The following PAX7 variants were observed in gnomAD, a reference collection of about 807,000 sequenced individuals.
The protein encoded by PAX7 is paired box 7, also known as paired box protein Pax-7.
Under a neutral mutation model 50.7 loss-of-function variants are expected in PAX7, and 18 were observed. The ratio of observed to expected loss-of-function variants is 0.36; its 90% confidence interval spans 0.25 to 0.53. The LOEUF (loss-of-function observed/expected upper bound fraction) is 0.53. Among genes scored for constraint, PAX7 ranks in the 20% least tolerant of loss-of-function variants. PAX7 has a pLI of 0.93. For synonymous variants in PAX7, 310 were observed against 290.4 expected (o/e 1.07, Z -0.69); for missense variants, 644 against 702.9 (o/e 0.92, Z 0.95).
intron 4 of PAX7, among the ~76,000 whole-genome samples, chr1:18,670,676 G>C (rs936550157): frequency 1.3e-5 from 2 of 152,160 alleles, no homozygotes; most frequent in Non-Finnish European, 2.9e-5. Context: ...CAGAAGCCTT[G>C]CTGGCCTCTC....
chr1:18,691,772 G>T lies in PAX7; in HGVS notation c.605G>T (p.Gly202Val). ...LGDKGNRLDEGSDVESEPDLP... is the reference protein window; with the variant it reads ...LGDKGNRLDEVSDVESEPDLP... ...GCTGTAGGGAACCGGCTGGACGAGG[G>T]CTCGGATGTGGAGTCGGAACCTGAC... Residue 202 changes from glycine (G) to valine (V), a missense_variant, in exon 5 of 9, where the codon GGC becomes GTC. Transcript: ENST00000420770. The T allele has an allele frequency of 6.3e-7, 1 of 1,587,406 alleles. No homozygotes were observed. Among genetic ancestry groups the T allele is most frequent in the South Asian group, 1.1e-5 (1 of 87,252 alleles).
chr1:18,700,077 CGTGTGTGT>C lies in PAX7; in HGVS notation c.787-543_787-536del, dbSNP rs66600721. Among the ~76,000 whole-genome samples the C allele has an allele frequency of 0.04, 5,828 of 145,714 alleles. 209 individuals carry two copies. Among genetic ancestry groups the C allele is most frequent in the African/African-American group, 0.088 (3,484 of 39,712 alleles). On this transcript the variant is annotated intron_variant, in intron 5 of 8. Coordinates refer to ENST00000420770, the MANE Select transcript of PAX7 (RefSeq NM_001135254.2). This position sits in a 1 kb window ranked among gnomAD's most constrained non-coding sequence, Gnocchi z 4.8. ...TTATCCCACTAATGTTTGATAAATC[CGTGTGTGT>C]GTGTGTGTGTGTGTGTGTGTGTGTG...
chr1:18,707,980 G>A (rs971575949), intron 7 of PAX7, among the ~76,000 whole-genome samples: 4 of 152,114 alleles, frequency 2.6e-5, no homozygotes, highest in Non-Finnish European at 5.9e-5. Flanking sequence ...TGCTTTTCAG[G>A]AGGTTTAGAT....
intron 4 of PAX7, among the ~76,000 whole-genome samples, chr1:18,678,018 G>GT (rs1267988306): frequency 6.6e-6 from 1 of 151,552 alleles, no homozygotes; most frequent in East Asian, 1.9e-4. Flanking sequence ...GGAGGTGGAG[G>GT]TTACACTGAG....
rs1329438300 is a variant in PAX7 at position 18,747,457 on chromosome 1, C to G, written c.*2528C>G. On this transcript the variant is annotated 3_prime_UTR_variant, in exon 9 of 9. Coordinates refer to ENST00000420770, the MANE Select transcript of PAX7 (RefSeq NM_001135254.2). ...ACCCTGATAGGTTCTCTCTAAAACC[C>G]GTATATTAACGCATCTGGCCAACTT... 4.5e-6 allele frequency: 1 copy of G among 221,522 alleles called. No homozygotes were observed. Among genetic ancestry groups the G allele is most frequent in the South Asian group, 1.8e-4 (1 of 5,444 alleles). The allele number at this position is 221,522 out of a possible 1,614,324, so 13.7% of individuals were successfully genotyped here.
At chr1:18,640,181 G>A (rs553520737) in intron 4 of PAX7, among the ~76,000 whole-genome samples, 2 of 152,272 alleles carry the variant, frequency 1.3e-5, no homozygotes, top group African/African-American at 4.8e-5. Flanking sequence ...GAAATGACGG[G>A]GAAGGATCGG....
At chr1:18,687,998 G>C (rs2089001513) in intron 4 of PAX7, among the ~76,000 whole-genome samples, 1 of 152,168 alleles carries the variant, frequency 6.6e-6, no homozygotes, top group Admixed American at 6.5e-5. Flanking sequence ...CTGAAGCATG[G>C]GAGGGCACTG....
chr1:18,737,441 C>T (rs762324732), intron 8 of PAX7, among the ~76,000 whole-genome samples: 21 of 152,336 alleles, frequency 1.4e-4, no homozygotes, highest in Middle Eastern at 3.4e-3. Context: ...GTGTTCACAA[C>T]CCTTCCTGTG....
At position 18,636,850 on chromosome 1, in the gene PAX7, C is replaced by T. The variant is rs950940084; in HGVS notation, c.586+479C>T. On this transcript the variant is annotated intron_variant, in intron 4 of 8. Transcript: ENST00000420770. The surrounding 1 kb of genome is among the most constrained non-coding windows in gnomAD (Gnocchi z 5.1). The stretch of plus-strand genomic sequence containing the variant: ...ACCAGACCCCCACACGCTCTCTAAA[C>T]GGTCCCTTGAAACCCCGCCTGACAG... Among the ~76,000 whole-genome samples the T allele has an allele frequency of 2.0e-5, 3 of 152,170 alleles. No homozygotes were observed. Among genetic ancestry groups the T allele is most frequent in the Non-Finnish European group, 4.4e-5 (3 of 68,036 alleles).
chr1:18,710,368 C>T (rs893410799), intron 7 of PAX7, among the ~76,000 whole-genome samples: 4 of 152,138 alleles, frequency 2.6e-5, no homozygotes, highest in Non-Finnish European at 5.9e-5. Context: ...ACTGGAGATT[C>T]CTACCTCTCT....
chr1:18,725,309 C>T lies in PAX7; in HGVS notation c.1156-10323C>T, dbSNP rs75636919. 8.7e-5 allele frequency among the ~76,000 whole-genome samples: 5 copies of T among 57,176 alleles called. 1 individual carries two copies. The highest frequency in any genetic ancestry group is 1.4e-4 in the Non-Finnish European group (4 of 28,602). The allele number at this position is 57,176 out of a possible 152,430, so 37.5% of individuals were successfully genotyped here. A position where few individuals can be genotyped will look rare whatever the true frequency, so the allele number is the denominator to read the frequency against. Reference sequence around the variant, plus strand: ...AATTACAGAGGTGGAGACGCCCCCCCCCCGCCCCACCAACACCGCCAGGCC... The same window carrying T: ...AATTACAGAGGTGGAGACGCCCCCCTCCCGCCCCACCAACACCGCCAGGCC... On this transcript the variant is annotated intron_variant, in intron 7 of 8. Transcript: ENST00000420770.
Position 18,745,520 on chromosome 1 carries a change from C to A in PAX7, c.*591C>A, listed in dbSNP as rs577113511. ...CAGCAGGGGGGCAGTCTCACCCCCA[C>A]CCAGGAATTTGAAGGACTTCAGAAC... On this transcript the variant is annotated 3_prime_UTR_variant, in exon 9 of 9. Transcript: ENST00000420770. The A allele has an allele frequency of 6.0e-3, 1,389 of 231,832 alleles. 8 individuals carry two copies. Among genetic ancestry groups the A allele is most frequent in the Non-Finnish European group, 8.8e-3 (1,028 of 117,322 alleles). The allele number at this position is 231,832 out of a possible 1,614,324, so 14.4% of individuals were successfully genotyped here. A position where few individuals can be genotyped will look rare whatever the true frequency, so the allele number is the denominator to read the frequency against.
At chr1:18,665,672 C>CTTTT (rs3079732) in intron 4 of PAX7, among the ~76,000 whole-genome samples, 46,561 of 121,618 alleles carry the variant, frequency 0.38, 9,707 homozygotes, top group African/African-American at 0.49. Context: ...TGCGCCCAGC[C>CTTTT]TTTTTTTTTT....
chr1:18,685,458 C>G (rs1305949519), intron 4 of PAX7, among the ~76,000 whole-genome samples: 1 of 152,218 alleles, frequency 6.6e-6, no homozygotes, highest in Non-Finnish European at 1.5e-5. Context: ...GACCCATAAA[C>G]AGTCTAGTTC....
chr1:18,699,623 T>A (rs1338214367), intron 5 of PAX7, among the ~76,000 whole-genome samples: 2 of 151,272 alleles, frequency 1.3e-5, no homozygotes, highest in East Asian at 1.9e-4. Flanking sequence ...TGCAGTGGCG[T>A]GATCTCAGCT....
At chr1:18,635,996 T>C (rs1427700432) in intron 3 of PAX7, among the ~76,000 whole-genome samples, 1 of 152,084 alleles carries the variant, frequency 6.6e-6, no homozygotes, top group Non-Finnish European at 1.5e-5. Flanking sequence ...CATGCAAGCA[T>C]CTGCATAGAA....
intron 5 of PAX7, among the ~76,000 whole-genome samples, chr1:18,693,298 G>T (rs539502742): frequency 6.6e-6 from 1 of 152,252 alleles, no homozygotes; most frequent in South Asian, 2.1e-4. Context: ...GCATTGCTGG[G>T]GCTGCTTCTC....
chr1:18,655,109 G>A (rs1452093795), intron 4 of PAX7, among the ~76,000 whole-genome samples: 1 of 152,100 alleles, frequency 6.6e-6, no homozygotes, highest in African/African-American at 2.4e-5. Context: ...AGCTAGTCAG[G>A]TTTCACAAAC....
In PAX7 at chr1:18,636,851, G is replaced by A. The variant is rs1329508453; in HGVS notation, c.586+480G>A. Among the ~76,000 whole-genome samples the A allele has an allele frequency of 6.6e-6, 1 of 152,130 alleles. No individual in the cohort carries two copies. The highest frequency in any genetic ancestry group is 1.5e-5 in the Non-Finnish European group (1 of 68,024). ...CCAGACCCCCACACGCTCTCTAAAC[G>A]GTCCCTTGAAACCCCGCCTGACAGT... On this transcript the variant is annotated intron_variant, in intron 4 of 8. Coordinates refer to ENST00000420770, the MANE Select transcript of PAX7 (RefSeq NM_001135254.2). This position sits in a 1 kb window ranked among gnomAD's most constrained non-coding sequence, Gnocchi z 5.1.
Sources: allele counts gnomAD v4.1 joint callset (sites outside exome capture counted in the v4.1 genomes callset), GRCh38; gene constraint gnomAD v4.1.1; non-coding constraint Gnocchi (gnomAD v3.1); transcripts MANE v1.5; gene names NCBI Gene and HGNC (gene_info 2026-07-23, HGNC 2026-07-21).